The following CDH13 variants were observed in gnomAD, a reference collection of about 807,000 sequenced individuals.
The protein encoded by CDH13 is cadherin 13.
In CDH13, 24 loss-of-function variants were observed where a neutral mutation model predicts 63.8. That is an observed-to-expected ratio of 0.38 (90% CI 0.27 to 0.53). The LOEUF is 0.53. Ranked by LOEUF, CDH13 falls within the 20% of genes least tolerant of loss-of-function variation. The pLI is 0.85. For synonymous variants in CDH13, 503 were observed against 355.3 expected, an observed-to-expected ratio of 1.42 and a Z score of -4.67; for missense variants, 1,049 against 903.1, an observed-to-expected ratio of 1.16 and a Z score of -2.07.
At chr16:83,072,262 G>C (rs2151544341) in intron 3 of CDH13, among the ~76,000 whole-genome samples, 1 of 152,264 alleles carries the variant, frequency 6.6e-6, no homozygotes. Flanking sequence ...AAACTCACTT[G>C]TCCAAGGTGT....
intron 7 of CDH13, among the ~76,000 whole-genome samples, chr16:83,511,642 A>G (rs1299481579): frequency 6.6e-6 from 1 of 152,222 alleles, no homozygotes; most frequent in Non-Finnish European, 1.5e-5. Flanking sequence ...AAAAAGCAGT[A>G]AAAATTCTGA....
chr16:83,626,096 C>CA (rs1910274076), intron 8 of CDH13, among the ~76,000 whole-genome samples: 1 of 151,906 alleles, frequency 6.6e-6, no homozygotes, highest in Admixed American at 6.6e-5. Flanking sequence ...CTGCAGCCTC[C>CA]ACCTCCAAGG....
At chr16:83,522,095 T>C (rs1242904325) in intron 7 of CDH13, among the ~76,000 whole-genome samples, 1 of 152,226 alleles carries the variant, frequency 6.6e-6, no homozygotes, top group Non-Finnish European at 1.5e-5. Flanking sequence ...TCTCCCCTGC[T>C]GCGCAGAGTG....
At chr16:82,709,043 G>C (rs763323722) in intron 1 of CDH13, among the ~76,000 whole-genome samples, 1 of 152,226 alleles carries the variant, frequency 6.6e-6, no homozygotes, top group Admixed American at 6.5e-5. Flanking sequence ...CCAAGGGTAA[G>C]AATCAGAGTG....
chr16:82,815,358 G>A (rs550120374), intron 1 of CDH13, among the ~76,000 whole-genome samples: 1 of 152,250 alleles, frequency 6.6e-6, no homozygotes, highest in African/African-American at 2.4e-5. Context: ...TCACCTGCAT[G>A]ATGGAGACGA....
intron 7 of CDH13, among the ~76,000 whole-genome samples, chr16:83,496,999 T>A (rs868254419): frequency 6.6e-6 from 1 of 152,050 alleles, no homozygotes; most frequent in East Asian, 1.9e-4. Flanking sequence ...ATCATTCAAA[T>A]GTCAGGAAAC....
chr16:83,572,326 A>G (rs1255105482), intron 7 of CDH13, among the ~76,000 whole-genome samples: 1 of 152,062 alleles, frequency 6.6e-6, no homozygotes, highest in Non-Finnish European at 1.5e-5. Flanking sequence ...AGCTGGGAAG[A>G]GACAGGGTTT....
At chr16:83,356,167 T>G (rs2091049980) in intron 6 of CDH13, among the ~76,000 whole-genome samples, 1 of 151,960 alleles carries the variant, frequency 6.6e-6, no homozygotes, top group South Asian at 2.1e-4. Flanking sequence ...ACCTTAAATG[T>G]AAGAGAGCAT....
intron 1 of CDH13, among the ~76,000 whole-genome samples, chr16:82,686,542 G>A (rs983894857): frequency 1.3e-5 from 2 of 152,218 alleles, no homozygotes; most frequent in Non-Finnish European, 2.9e-5. Context: ...AGAGAACAAC[G>A]AGGCCAGTCG....
chr16:83,674,890 G>A (rs2059245), intron 9 of CDH13, among the ~76,000 whole-genome samples: 150,216 of 152,356 alleles, frequency 0.99, 74,084 homozygotes, highest in Middle Eastern at 1. Context: ...CCTCAAAGAA[G>A]GTAGTATCCA....
At chr16:83,549,442 G>A (rs766621309) in intron 7 of CDH13, among the ~76,000 whole-genome samples, 6 of 152,174 alleles carry the variant, frequency 3.9e-5, no homozygotes, top group Non-Finnish European at 7.4e-5. Context: ...CAAGGGGAAC[G>A]TGGTAGAGGG....
At chr16:83,175,992 C>T (rs1567478261) in intron 4 of CDH13, among the ~76,000 whole-genome samples, 1 of 151,320 alleles carries the variant, frequency 6.6e-6, no homozygotes, top group Admixed American at 6.6e-5. Flanking sequence ...CAATGCCTGG[C>T]TAATTTTTGT....
Position 83,707,836 on chromosome 16 carries a change from C to CAAAAAAAAAAAAAAAAAAAAAAAA in CDH13, c.1538+29397_1538+29398insAAAAAAAAAAAAAAAAAAAAAAAA, listed in dbSNP as rs61067563. ...CATCTTTGGTGAGAGACCCTAAAGG[C>CAAAAAAAAAAAAAAAAAAAAAAAA]AAAAAAAAAAAAAAAAAAAAAAGAG... On this transcript the variant is annotated intron_variant, in intron 10 of 13. Transcript: ENST00000567109. Among the ~76,000 whole-genome samples, 135 of 78,870 alleles carry CAAAAAAAAAAAAAAAAAAAAAAAA rather than the reference C, an allele frequency of 1.7e-3. 11 individuals are homozygous for CAAAAAAAAAAAAAAAAAAAAAAAA. The highest frequency in any genetic ancestry group is 2.5e-3 in the African/African-American group (49 of 19,982). The allele number at this position is 78,870 out of a possible 152,430, so 51.7% of individuals were successfully genotyped here.
intron 2 of CDH13, among the ~76,000 whole-genome samples, chr16:82,919,143 AT>A: frequency 6.6e-6 from 1 of 152,154 alleles, no homozygotes; most frequent in East Asian, 1.9e-4. Context: ...TATATTCCAA[AT>A]GTGTTTTTTA....
chr16:83,206,523 G>A (rs553982760), intron 4 of CDH13, among the ~76,000 whole-genome samples: 248 of 152,328 alleles, frequency 1.6e-3, no homozygotes, highest in Non-Finnish European at 3.0e-3. Flanking sequence ...GCACCCGACA[G>A]TTTTGTCCTT....
intron 2 of CDH13, among the ~76,000 whole-genome samples, chr16:82,927,785 T>C (rs1364257155): frequency 6.6e-6 from 1 of 152,242 alleles, no homozygotes; most frequent in African/African-American, 2.4e-5. Context: ...CCAGGCACCC[T>C]GCCTAACACA....
chr16:82,835,479 A>T (rs1028118279), intron 1 of CDH13, among the ~76,000 whole-genome samples: 3 of 152,148 alleles, frequency 2.0e-5, no homozygotes, highest in African/African-American at 7.2e-5. Context: ...ATTTCCTGGG[A>T]TGTGCTTCCT....
intron 1 of CDH13, among the ~76,000 whole-genome samples, chr16:82,803,891 A>T (rs1268210721): frequency 6.6e-6 from 1 of 152,202 alleles, no homozygotes; most frequent in Non-Finnish European, 1.5e-5. Context: ...GATGTTTTGT[A>T]CAACTTAGTG....
In CDH13 at chr16:83,362,597, C is replaced by T. The variant is rs899397988; in HGVS notation, c.781+17591C>T. 1.1e-4 allele frequency among the ~76,000 whole-genome samples: 16 copies of T among 152,174 alleles called. 1 individual carries two copies. Among genetic ancestry groups the T allele is most frequent in the Non-Finnish European group, 1.9e-4 (13 of 68,042 alleles). On this transcript the variant is annotated intron_variant, in intron 6 of 13. Transcript: ENST00000567109. The stretch of plus-strand genomic sequence containing the variant: ...ATTGGGTATTACTGTCTCCATGTTT[C>T]ATGTGAGGACACAGAAGCTCAGAAA...
Sources: gnomAD v4.1 joint callset for allele counts (sites outside exome capture counted in the v4.1 genomes callset) on GRCh38, gnomAD v4.1.1 for gene constraint, MANE v1.5 for transcripts, NCBI Gene and HGNC (gene_info 2026-07-23, HGNC 2026-07-21) for gene names.